The following RBMS3 variants were observed in gnomAD, a reference collection of about 807,000 sequenced individuals.
RBMS3 encodes the protein RNA-binding motif, single-stranded-interacting protein 3.
In RBMS3, 27 loss-of-function variants were observed where a neutral mutation model predicts 66.8. The observed-to-expected ratio is 0.40, with a 90% CI of 0.30 to 0.56. The LOEUF (loss-of-function observed/expected upper bound fraction) is 0.56, where lower values mean the gene tolerates loss of function less well. Ranked by LOEUF, RBMS3 falls within the 20% of genes least tolerant of loss-of-function variation. RBMS3 has a pLI of 0.40. For missense variants in RBMS3, 513 were observed against 549.5 expected (o/e 0.93, Z 0.66); for synonymous variants, 188 against 183.0 (o/e 1.03, Z -0.22).
chr3:29,922,708 T>A (rs1046249608), intron 10 of RBMS3, among the ~76,000 whole-genome samples: 1 of 152,118 alleles, frequency 6.6e-6, no homozygotes, highest in Non-Finnish European at 1.5e-5. Flanking sequence ...ACTAAAAGTA[T>A]TGCTTTATCA....
intron 4 of RBMS3, among the ~76,000 whole-genome samples, chr3:29,621,139 G>A (rs1298183107): frequency 6.6e-6 from 1 of 151,526 alleles, no homozygotes; most frequent in Non-Finnish European, 1.5e-5. Context: ...ATCTTGGTGA[G>A]TCTTCTGGGG....
At chr3:29,319,864 G>C (rs2034906314) in intron 1 of RBMS3, among the ~76,000 whole-genome samples, 1 of 151,984 alleles carries the variant, frequency 6.6e-6, no homozygotes, top group Non-Finnish European at 1.5e-5. Flanking sequence ...AAGCTCTTAA[G>C]GACATAGGAA....
At chr3:29,482,693 C>CTTTTT (rs1156893161) in intron 2 of RBMS3, among the ~76,000 whole-genome samples, 1 of 91,748 alleles carries the variant, frequency 1.1e-5, no homozygotes, top group Non-Finnish European at 2.0e-5. Flanking sequence ...CATTTTCTTT[C>CTTTTT]TTTCTTTCTT....
chr3:29,308,372 A>AAT (rs2034147045), intron 1 of RBMS3, among the ~76,000 whole-genome samples: 1 of 151,828 alleles, frequency 6.6e-6, no homozygotes, highest in African/African-American at 2.4e-5. Context: ...TGGAGAAGAC[A>AAT]GAGTTATTTT....
At chr3:29,732,242 C>G (rs941263076) in intron 4 of RBMS3, among the ~76,000 whole-genome samples, 2 of 152,190 alleles carry the variant, frequency 1.3e-5, no homozygotes, top group Non-Finnish European at 2.9e-5. Context: ...ATATTTCAGT[C>G]ACGGTCTGAA....
At chr3:29,524,381 C>T (rs993332581) in intron 3 of RBMS3, among the ~76,000 whole-genome samples, 15 of 143,028 alleles carry the variant, frequency 1.0e-4, no homozygotes, top group African/African-American at 3.6e-4. Context: ...TCATAAAACA[C>T]TTTAACCTGG....
intron 3 of RBMS3, among the ~76,000 whole-genome samples, chr3:29,554,665 A>G (rs2046284890): frequency 6.6e-6 from 1 of 152,178 alleles, no homozygotes; most frequent in African/African-American, 2.4e-5. Flanking sequence ...AAATTTAGAC[A>G]AGGAAAAAGG....
intron 3 of RBMS3, among the ~76,000 whole-genome samples, chr3:29,579,047 C>T (rs868477530): frequency 7.4e-5 from 10 of 134,448 alleles, no homozygotes; most frequent in Non-Finnish European, 9.3e-5. Context: ...ATGATCCACC[C>T]GCCTCGGCCT....
intron 6 of RBMS3, among the ~76,000 whole-genome samples, chr3:29,807,777 G>T (rs1412533582): frequency 6.7e-6 from 1 of 149,660 alleles, no homozygotes; most frequent in Non-Finnish European, 1.5e-5. Flanking sequence ...AAATAAAAAA[G>T]TACTATGTGA....
intron 3 of RBMS3, among the ~76,000 whole-genome samples, chr3:29,540,755 C>CT (rs1355755149): frequency 1.3e-5 from 2 of 152,132 alleles, no homozygotes; most frequent in Non-Finnish European, 2.9e-5. Context: ...TGCCAATACT[C>CT]TGAGTGGTGC....
chr3:29,349,333 C>T (rs2125554713), intron 1 of RBMS3, among the ~76,000 whole-genome samples: 1 of 152,292 alleles, frequency 6.6e-6, no homozygotes, highest in African/African-American at 2.4e-5. Flanking sequence ...GGACATTGAT[C>T]CCTGGCTCCA....
intron 2 of RBMS3, among the ~76,000 whole-genome samples, chr3:29,438,477 T>C (rs2041485548): frequency 6.6e-6 from 1 of 152,146 alleles, no homozygotes; most frequent in South Asian, 2.1e-4. Context: ...TCTAAATATA[T>C]AATCTGAGAG....
At chr3:29,822,028 T>C (rs563322775) in intron 6 of RBMS3, among the ~76,000 whole-genome samples, 1 of 152,210 alleles carries the variant, frequency 6.6e-6, no homozygotes, top group African/African-American at 2.4e-5. Context: ...AATTGGGTCA[T>C]TACTTCAAAC....
intron 6 of RBMS3, among the ~76,000 whole-genome samples, chr3:29,852,500 A>T (rs2058960444): frequency 6.6e-6 from 1 of 152,238 alleles, no homozygotes; most frequent in Non-Finnish European, 1.5e-5. Context: ...TGGGCAAAGG[A>T]CATGAATAGA....
At chr3:29,633,280 C>T (rs975048506) in intron 4 of RBMS3, among the ~76,000 whole-genome samples, 2 of 151,588 alleles carry the variant, frequency 1.3e-5, no homozygotes, top group Admixed American at 6.6e-5. Context: ...TTCATATATC[C>T]TCTAATAATG....
At chr3:29,867,815 A>G (rs1034994368) in intron 6 of RBMS3, among the ~76,000 whole-genome samples, 7 of 151,422 alleles carry the variant, frequency 4.6e-5, no homozygotes, top group Admixed American at 4.0e-4. Context: ...CTTTAGTAAA[A>G]CATACTTTTC....
chr3:29,595,738 G>A (rs1442983988), intron 4 of RBMS3, among the ~76,000 whole-genome samples: 1 of 152,150 alleles, frequency 6.6e-6, no homozygotes, highest in East Asian at 1.9e-4. Context: ...TATGACTGCT[G>A]GTGTTACATT....
chr3:29,454,199 T>C (rs1453482275), intron 2 of RBMS3, among the ~76,000 whole-genome samples: 1 of 152,188 alleles, frequency 6.6e-6, no homozygotes, highest in African/African-American at 2.4e-5. Flanking sequence ...CCTCCTGGGA[T>C]CTGGCACCAT....
chr3:29,429,525 CTCTA>C (rs917694374), intron 1 of RBMS3, among the ~76,000 whole-genome samples: 4 of 152,058 alleles, frequency 2.6e-5, no homozygotes, highest in Non-Finnish European at 4.4e-5. Flanking sequence ...AAGAGAAATC[CTCTA>C]TCTCTCTTCT....
Sources: allele counts gnomAD v4.1 joint callset (sites outside exome capture counted in the v4.1 genomes callset), GRCh38; gene constraint gnomAD v4.1.1; transcripts MANE v1.5; gene names NCBI Gene and HGNC (gene_info 2026-07-23, HGNC 2026-07-21).